The following PPP1R1C variants were observed in gnomAD, a reference collection of about 807,000 sequenced individuals.
The protein encoded by PPP1R1C is protein phosphatase 1 regulatory inhibitor subunit 1C.
A neutral mutation model predicts 17.4 loss-of-function variants in PPP1R1C; 15 were observed. The ratio of observed to expected loss-of-function variants is 0.86; its 90% CI spans 0.58 to 1.33. The LOEUF is 1.33. PPP1R1C is among the 40% of genes most tolerant of loss of function. The pLI is 0.00. For missense variants in PPP1R1C, 143 were observed against 130.0 expected (o/e 1.10, Z -0.48); for synonymous variants, 35 against 43.1 (o/e 0.81, Z 0.73).
At chr2:182,094,861 G>A (rs1176609600) in intron 4 of PPP1R1C, among the ~76,000 whole-genome samples, 1 of 152,174 alleles carries the variant, frequency 6.6e-6, no homozygotes, top group African/African-American at 2.4e-5. Context: ...CAATAGGCTA[G>A]GTATATTAGA....
intron 1 of PPP1R1C, among the ~76,000 whole-genome samples, chr2:181,958,030 G>A (rs574142921): frequency 2.0e-5 from 3 of 152,148 alleles, no homozygotes; most frequent in African/African-American, 2.4e-5. Context: ...AGCTACACCC[G>A]TGTGATAACT....
chr2:181,977,581 T>C (rs1446889878), intron 2 of PPP1R1C, among the ~76,000 whole-genome samples: 1 of 152,150 alleles, frequency 6.6e-6, no homozygotes, highest in East Asian at 1.9e-4. Context: ...TTCTGTGTTA[T>C]AAAATAGAAA....
intron 2 of PPP1R1C, among the ~76,000 whole-genome samples, chr2:182,030,208 C>T (rs997904835): frequency 6.6e-6 from 1 of 152,122 alleles, no homozygotes; most frequent in Non-Finnish European, 1.5e-5. Flanking sequence ...CTTCTTCTCT[C>T]AGCTCGTCAA....
chr2:181,978,374 T>A (rs939557494), intron 2 of PPP1R1C, among the ~76,000 whole-genome samples: 3 of 152,176 alleles, frequency 2.0e-5, no homozygotes, highest in African/African-American at 7.2e-5. Flanking sequence ...GACAGAGCAA[T>A]GCCAGAGTGT....
intron 4 of PPP1R1C, among the ~76,000 whole-genome samples, chr2:182,077,116 CA>C (rs2125209799): frequency 6.6e-6 from 1 of 152,280 alleles, no homozygotes; most frequent in Admixed American, 6.5e-5. Context: ...CGTGAATACT[CA>C]TTTGTGTAAA....
chr2:182,123,821 G>A (rs1689798346), intron 5 of PPP1R1C, among the ~76,000 whole-genome samples: 1 of 152,094 alleles, frequency 6.6e-6, no homozygotes, highest in Admixed American at 6.5e-5. Flanking sequence ...CACTCTGATG[G>A]TAGTTTCTTT....
intron 1 of PPP1R1C, among the ~76,000 whole-genome samples, chr2:181,971,635 C>G (rs1685010055): frequency 2.0e-5 from 3 of 152,158 alleles, no homozygotes; most frequent in African/African-American, 7.2e-5. Context: ...AGCACCAGAC[C>G]TTGCCAAGGA....
intron 4 of PPP1R1C, among the ~76,000 whole-genome samples, chr2:182,095,607 C>T (rs1688910404): frequency 6.6e-6 from 1 of 152,112 alleles, no homozygotes; most frequent in African/African-American, 2.4e-5. Context: ...GTCTATAATC[C>T]ATAATATTGG....
At chr2:182,082,869 T>A (rs1468038587) in intron 4 of PPP1R1C, among the ~76,000 whole-genome samples, 1 of 152,034 alleles carries the variant, frequency 6.6e-6, no homozygotes, top group Admixed American at 6.6e-5. Flanking sequence ...AAGGTACCTG[T>A]TGGGAAGCTG....
intron 4 of PPP1R1C, among the ~76,000 whole-genome samples, chr2:182,084,882 A>G (rs1347048859): frequency 3.3e-5 from 5 of 152,144 alleles, no homozygotes; most frequent in African/African-American, 1.2e-4. Flanking sequence ...CTTCTAATTC[A>G]TGAGCATGAG....
intron 5 of PPP1R1C, among the ~76,000 whole-genome samples, chr2:182,127,729 T>C (rs1689909450): frequency 6.6e-6 from 1 of 152,058 alleles, no homozygotes; most frequent in African/African-American, 2.4e-5. Flanking sequence ...AAGTAAATAT[T>C]TTTAACCAGG....
At chr2:182,001,860 T>C (rs1408773608) in intron 2 of PPP1R1C, among the ~76,000 whole-genome samples, 1 of 152,148 alleles carries the variant, frequency 6.6e-6, no homozygotes, top group Non-Finnish European at 1.5e-5. Context: ...TTGTACTATA[T>C]CCTTCCTTTC....
chr2:182,106,986 G>C (rs545997625), intron 4 of PPP1R1C, among the ~76,000 whole-genome samples: 6 of 152,278 alleles, frequency 3.9e-5, no homozygotes, highest in African/African-American at 1.2e-4. Flanking sequence ...TTTTGGACTA[G>C]AGCCCAATCT....
intron 1 of PPP1R1C, among the ~76,000 whole-genome samples, chr2:181,970,761 C>T (rs1374255336): frequency 2.0e-5 from 3 of 152,062 alleles, no homozygotes. Context: ...TATTCTACTG[C>T]AAATGAGCTG....
At chr2:182,090,135 A>T (rs1688739923) in intron 4 of PPP1R1C, among the ~76,000 whole-genome samples, 1 of 152,126 alleles carries the variant, frequency 6.6e-6, no homozygotes, top group African/African-American at 2.4e-5. Flanking sequence ...ATTCCTATCT[A>T]TGTAGAATTA....
chr2:181,992,046 T>C (rs1257207830), intron 2 of PPP1R1C, among the ~76,000 whole-genome samples: 1 of 152,212 alleles, frequency 6.6e-6, no homozygotes, highest in Non-Finnish European at 1.5e-5. Flanking sequence ...CTACCAGCGT[T>C]TGAAATCTAG....
intron 2 of PPP1R1C, among the ~76,000 whole-genome samples, chr2:182,054,947 C>T (rs1421458916): frequency 6.6e-6 from 1 of 152,174 alleles, no homozygotes; most frequent in Non-Finnish European, 1.5e-5. Flanking sequence ...AGGCATGAGC[C>T]ACCACACCTG....
intron 4 of PPP1R1C, among the ~76,000 whole-genome samples, chr2:182,106,407 C>G (rs1202999293): frequency 6.6e-6 from 1 of 152,206 alleles, no homozygotes; most frequent in Non-Finnish European, 1.5e-5. Flanking sequence ...CAAGCACCAG[C>G]AGACGCTGTC....
At chr2:182,106,148 G>A (rs1689243817) in intron 4 of PPP1R1C, among the ~76,000 whole-genome samples, 1 of 152,176 alleles carries the variant, frequency 6.6e-6, no homozygotes, top group Non-Finnish European at 1.5e-5. Flanking sequence ...ATTGATACAG[G>A]AGTGGGGCAG....
Sources: gnomAD v4.1 joint callset for allele counts (sites outside exome capture counted in the v4.1 genomes callset) on GRCh38, gnomAD v4.1.1 for gene constraint, MANE v1.5 for transcripts, NCBI Gene and HGNC (gene_info 2026-07-23, HGNC 2026-07-21) for gene names.